PIK3C2G: variants seen among roughly 807,000 people sequenced by gnomAD.
PIK3C2G encodes the protein phosphatidylinositol-4-phosphate 3-kinase catalytic subunit type 2 gamma, also known as phosphatidylinositol 3-kinase C2 domain-containing subunit gamma.
A neutral mutation model predicts 181.1 loss-of-function variants in PIK3C2G; 168 were observed. That is an observed-to-expected ratio of 0.93 (90% CI 0.82 to 1.05). The LOEUF (loss-of-function observed/expected upper bound fraction) is 1.05, where lower values mean the gene tolerates loss of function less well. Ranked by LOEUF, PIK3C2G falls within the 50% of genes least tolerant of loss-of-function variation. PIK3C2G has a pLI of 0.00. For synonymous variants in PIK3C2G, 573 were observed against 592.2 expected, an observed-to-expected ratio of 0.97 and a Z score of 0.47; for missense variants, 1,869 against 1,732.8, an observed-to-expected ratio of 1.08 and a Z score of -1.40.
intron 11 of PIK3C2G, among the ~76,000 whole-genome samples, chr12:18,356,289 C>T (rs890378073): frequency 6.6e-6 from 1 of 152,100 alleles, no homozygotes; most frequent in Admixed American, 6.6e-5. Context: ...TTCCCTTGAC[C>T]CCTTCACAGG....
intron 26 of PIK3C2G, among the ~76,000 whole-genome samples, chr12:18,549,474 C>A (rs1944613032): frequency 6.6e-6 from 1 of 151,946 alleles, no homozygotes; most frequent in Non-Finnish European, 1.5e-5. Flanking sequence ...TCATAACAAT[C>A]CTATGAGGTA....
In PIK3C2G at chr12:18,510,327, C is replaced by A. The variant is rs778557941; in HGVS notation, c.3323+4866C>A. The stretch of plus-strand genomic sequence containing the variant: ...TTAAAGTGGCCAACAAATTGTGCAT[C>A]CACAATTTTGCACTCAATTCCACTG... On this transcript the variant is annotated intron_variant, in intron 24 of 32. Transcript: ENST00000538779. 3.3e-5 allele frequency among the ~76,000 whole-genome samples: 5 copies of A among 152,086 alleles called. No homozygotes were observed. The South Asian group carries it at 1.0e-3, about 32-fold the overall frequency.
chr12:18,340,264 C>T (rs1001014701), intron 9 of PIK3C2G, among the ~76,000 whole-genome samples: 6 of 151,838 alleles, frequency 4.0e-5, no homozygotes, highest in South Asian at 2.1e-4. Flanking sequence ...AATACACTAA[C>T]GCTAACAATA....
chr12:18,452,008 T>A (rs1427564532), intron 18 of PIK3C2G, among the ~76,000 whole-genome samples: 1 of 152,242 alleles, frequency 6.6e-6, no homozygotes, highest in Non-Finnish European at 1.5e-5. Context: ...TTGACGTTCA[T>A]CAGGGATATT....
At chr12:18,388,905 C>T (rs760831999) in intron 14 of PIK3C2G, among the ~76,000 whole-genome samples, 24 of 151,964 alleles carry the variant, frequency 1.6e-4, no homozygotes, top group Non-Finnish European at 2.8e-4. Flanking sequence ...TTCCTCTATC[C>T]CCCCCAAAAA....
At chr12:18,529,409 A>G (rs1223587156) in intron 24 of PIK3C2G, among the ~76,000 whole-genome samples, 1 of 152,160 alleles carries the variant, frequency 6.6e-6, no homozygotes, top group Non-Finnish European at 1.5e-5. Context: ...AACATTTATG[A>G]TATTTTACTC....
At position 18,282,046 on chromosome 12, in the gene PIK3C2G, A is replaced by G; in HGVS notation, c.-36A>G. On this transcript the variant is annotated 5_prime_UTR_variant, in exon 2 of 33. Transcript: ENST00000538779. ...TTTGTATTATCAAGGAGATATTTGG[A>G]GCAGAGTCAACCCTCTCAGTTACAT... 4 of 1,218,182 alleles carry G rather than the reference A, an allele frequency of 3.3e-6. No homozygotes were observed. Among genetic ancestry groups the G allele is most frequent in the Non-Finnish European group, 3.5e-6 (3 of 857,584 alleles). The allele number at this position is 1,218,182 out of a possible 1,614,324, so 75.5% of individuals were successfully genotyped here.
Position 18,282,327 on chromosome 12 carries a change from C to A in PIK3C2G, c.246C>A (p.His82Gln), listed in dbSNP as rs764478238. ...DSTGHSLNEA[H>Q]QISLNEFTSK... ...CAGGGCATTCATTAAATGAAGCACA[C>A]CAAATATCCTTGAATGAATTCACTT... Residue 82 changes from histidine (H) to glutamine (Q), a missense_variant, in exon 2 of 33, where the codon CAC becomes CAA. His to Gln is a conservative substitution (Grantham distance 24). Coordinates refer to ENST00000538779, the MANE Select transcript of PIK3C2G (RefSeq NM_001288772.2). 2.5e-6 allele frequency: 4 copies of A among 1,613,346 alleles called. No homozygotes were observed. Among genetic ancestry groups the A allele is most frequent in the Non-Finnish European group, 3.4e-6 (4 of 1,179,506 alleles).
At chr12:18,605,936 T>C (rs1325447354) in intron 30 of PIK3C2G, among the ~76,000 whole-genome samples, 1 of 152,180 alleles carries the variant, frequency 6.6e-6, no homozygotes, top group Non-Finnish European at 1.5e-5. Flanking sequence ...AGTTTCCTCA[T>C]GTGTAAAATG....
At chr12:18,701,606 ATCCTCCTCCTCCTCCTCCTCC>A in the PIK3C2G span, 192 of 1,525,008 alleles carry the variant, frequency 1.3e-4, no homozygotes, top group African/African-American at 8.2e-4. Context: ...CTTTGAATTT[ATCCTCCTCCTCCTCCTCCTCC>A]TCCTCCTCCT....
At chr12:18,701,289 GA>G in the PIK3C2G span, among the ~76,000 whole-genome samples, 2 of 151,624 alleles carry the variant, frequency 1.3e-5, no homozygotes, top group African/African-American at 4.8e-5. Flanking sequence ...TCAGCCTAGA[GA>G]AAAAAATGTT....
intron 9 of PIK3C2G, among the ~76,000 whole-genome samples, chr12:18,340,405 T>C (rs1407936515): frequency 1.3e-5 from 2 of 152,204 alleles, no homozygotes; most frequent in African/African-American, 4.8e-5. Flanking sequence ...TGGACAAGCT[T>C]GTATCAGAGT....
chr12:18,498,346 C>G (rs571499121), intron 22 of PIK3C2G, among the ~76,000 whole-genome samples: 9 of 152,050 alleles, frequency 5.9e-5, no homozygotes, highest in Non-Finnish European at 1.2e-4. Context: ...CAATAGACCA[C>G]CCAAATTATT....
At chr12:18,263,968 ATTGT>A (rs1948365029) in intron 1 of PIK3C2G, among the ~76,000 whole-genome samples, 1 of 152,150 alleles carries the variant, frequency 6.6e-6, no homozygotes. Flanking sequence ...GGACAAGGCA[ATTGT>A]TTGTCTCCAG....
chr12:18,582,472 A>G (rs1592640837), intron 29 of PIK3C2G, among the ~76,000 whole-genome samples: 1 of 152,080 alleles, frequency 6.6e-6, no homozygotes, highest in Non-Finnish European at 1.5e-5. Context: ...GGCCACTAAG[A>G]CACACGTGAA....
Position 18,319,531 on chromosome 12 carries a change from T to C in PIK3C2G, c.1138-1431T>C, listed in dbSNP as rs531479445. 4.8e-4 allele frequency among the ~76,000 whole-genome samples: 73 copies of C among 152,232 alleles called. 2 individuals are homozygous for C. The South Asian group carries it at 0.014, about 29-fold the overall frequency. ...TTACAAAGTTATTTTTCCTCCAGCC[T>C]ATGAAGGTATTTAAATTAAAAAATT... On this transcript the variant is annotated intron_variant, in intron 6 of 32. Coordinates refer to ENST00000538779, the MANE Select transcript of PIK3C2G (RefSeq NM_001288772.2).
At chr12:18,471,384 CA>C (rs1938445236) in intron 18 of PIK3C2G, among the ~76,000 whole-genome samples, 1 of 152,160 alleles carries the variant, frequency 6.6e-6, no homozygotes, top group Non-Finnish European at 1.5e-5. Flanking sequence ...ACCTATAGAA[CA>C]AATCTACCTT....
intron 19 of PIK3C2G, 59 bp from the exon 20 acceptor site, chr12:18,491,392 G>T: frequency 1.1e-6 from 1 of 892,108 alleles, no homozygotes. Flanking sequence ...ATTATAACCT[G>T]AAGGAAAAGT....
the PIK3C2G span, among the ~76,000 whole-genome samples, chr12:18,707,285 G>A: frequency 2.6e-5 from 4 of 152,256 alleles, no homozygotes; most frequent in Admixed American, 2.6e-4. Context: ...ATTAGAGTGA[G>A]TCCACTGACT....
Sources: gnomAD v4.1 joint callset for allele counts (sites outside exome capture counted in the v4.1 genomes callset) on GRCh38, gnomAD v4.1.1 for gene constraint, MANE v1.5 for transcripts, NCBI Gene and HGNC (gene_info 2026-07-23, HGNC 2026-07-21) for gene names.